NUP37: variants seen among roughly 807,000 people sequenced by gnomAD.
The protein encoded by NUP37 is nucleoporin Nup37.
A neutral mutation model predicts 45.4 loss-of-function variants in NUP37; 33 were observed. That is an observed-to-expected ratio of 0.73 (90% CI 0.55 to 0.97). NUP37 has a LOEUF of 0.97. Among genes scored for constraint, NUP37 ranks in the 50% least tolerant of loss-of-function variants. The pLI, the probability that NUP37 is intolerant of heterozygous loss-of-function variation, is 0.00. For missense variants in NUP37, 365 were observed against 389.7 expected (o/e 0.94, Z 0.53); for synonymous variants, 127 against 130.7 (o/e 0.97, Z 0.19).
intron 4 of NUP37, among the ~76,000 whole-genome samples, 178 bp from the exon 5 acceptor site, chr12:102,099,378 T>C (rs1304586150): frequency 6.6e-6 from 1 of 152,156 alleles, no homozygotes; most frequent in African/African-American, 2.4e-5. Flanking sequence ...TTCTAGAAGG[T>C]TTATCTTGGG....
chr12:102,119,805 C>T (rs913410572), intron 1 of NUP37, among the ~76,000 whole-genome samples: 1 of 152,196 alleles, frequency 6.6e-6, no homozygotes, highest in African/African-American at 2.4e-5. Flanking sequence ...GCCGGGGCCT[C>T]ACCGTACACG....
intron 6 of NUP37, among the ~76,000 whole-genome samples, chr12:102,084,866 A>C (rs1211557440): frequency 6.6e-6 from 1 of 152,214 alleles, no homozygotes; most frequent in African/African-American, 2.4e-5. Context: ...GTGATGACCA[A>C]GAGAAGATAC....
intron 5 of NUP37, among the ~76,000 whole-genome samples, chr12:102,092,523 T>C (rs1006591743): frequency 3.3e-5 from 5 of 152,178 alleles, no homozygotes; most frequent in African/African-American, 1.2e-4. Context: ...TAGTTCCAAT[T>C]AATCAATTAC....
At chr12:102,079,679 C>G (rs751268453) in intron 6 of NUP37, among the ~76,000 whole-genome samples, 1 of 152,180 alleles carries the variant, frequency 6.6e-6, no homozygotes, top group African/African-American at 2.4e-5. Context: ...CCTTCTTGCA[C>G]TTAGAACACT....
chr12:102,091,008 A>G (rs1293120363), intron 5 of NUP37, among the ~76,000 whole-genome samples: 6 of 152,250 alleles, frequency 3.9e-5, no homozygotes, highest in Admixed American at 3.9e-4. Context: ...TCAGGTTTTA[A>G]TATTTCCAAA....
intron 3 of NUP37, among the ~76,000 whole-genome samples, chr12:102,105,490 A>G (rs1880114337): frequency 6.6e-6 from 1 of 152,076 alleles, no homozygotes; most frequent in African/African-American, 2.4e-5. Context: ...ATATCATGCC[A>G]TTGCACTCCA....
intron 6 of NUP37, among the ~76,000 whole-genome samples, chr12:102,080,640 G>C (rs1174911716): frequency 6.6e-6 from 1 of 152,136 alleles, no homozygotes; most frequent in African/African-American, 2.4e-5. Flanking sequence ...AGATGAGATT[G>C]AGGCTCAAAG....
intron 6 of NUP37, among the ~76,000 whole-genome samples, chr12:102,082,141 T>C (rs1177882028): frequency 6.6e-6 from 1 of 152,154 alleles, no homozygotes; most frequent in Non-Finnish European, 1.5e-5. Context: ...TGAGTCTTAT[T>C]GGATTTGGGA....
chr12:102,103,509 T>C (rs1280219353), intron 3 of NUP37, among the ~76,000 whole-genome samples: 2 of 152,202 alleles, frequency 1.3e-5, no homozygotes, highest in Non-Finnish European at 2.9e-5. Context: ...CTTTTCTATA[T>C]ATAAGATCAT....
In NUP37 at chr12:102,101,089, A is replaced by G; in HGVS notation, c.297T>C (p.Ala99=). 6.4e-7 allele frequency: 1 copy of G among 1,566,152 alleles called. No homozygotes were observed. Among genetic ancestry groups the G allele is most frequent in the Non-Finnish European group, 8.7e-7 (1 of 1,154,022 alleles). Residue 99 remains alanine (A), a synonymous_variant, in exon 4 of 10, where the codon GCT becomes GCC. Coordinates refer to ENST00000552283, the MANE Select transcript of NUP37 (RefSeq NM_024057.4). The stretch of plus-strand genomic sequence containing the variant: ...TAAATAATCTAATTTTCATATCAGC[A>G]GCTGAAGTACAAAATCTGGAAGCAA... ...LPPVIKFCTS[A]ADMKIRLFTS... is the part of the protein sequence containing the mutation.
At chr12:102,117,658 A>C (rs149319972) in intron 2 of NUP37, among the ~76,000 whole-genome samples, 3 of 152,294 alleles carry the variant, frequency 2.0e-5, no homozygotes, top group Non-Finnish European at 4.4e-5. Context: ...TAAAACATAC[A>C]TATGGATTAC....
At chr12:102,100,830 T>C (rs893703138) in intron 4 of NUP37, among the ~76,000 whole-genome samples, 7 of 152,216 alleles carry the variant, frequency 4.6e-5, no homozygotes, top group African/African-American at 1.7e-4. Context: ...AGATTTATAA[T>C]CTGCAGTCAT....
intron 2 of NUP37, among the ~76,000 whole-genome samples, chr12:102,114,872 C>A (rs1221896651): frequency 6.6e-6 from 1 of 152,188 alleles, no homozygotes; most frequent in Middle Eastern, 3.2e-3. Flanking sequence ...GAGTTCTTAA[C>A]GTTAAGCCAA....
At chr12:102,096,036 T>C (rs1198641807) in intron 5 of NUP37, among the ~76,000 whole-genome samples, 2 of 152,174 alleles carry the variant, frequency 1.3e-5, no homozygotes, top group African/African-American at 4.8e-5. Flanking sequence ...TCATATGTAG[T>C]TGTTATCTGA....
At chr12:102,086,225 A>C (rs1675008168) in intron 5 of NUP37, among the ~76,000 whole-genome samples, 1 of 152,164 alleles carries the variant, frequency 6.6e-6, no homozygotes, top group African/African-American at 2.4e-5. Flanking sequence ...TAGTCATTTC[A>C]ACTGACGATA....
intron 5 of NUP37, among the ~76,000 whole-genome samples, chr12:102,095,424 T>C (rs1455114257): frequency 6.6e-6 from 1 of 152,106 alleles, no homozygotes; most frequent in Non-Finnish European, 1.5e-5. Flanking sequence ...CCTGTGTATA[T>C]ATGTGTGCAT....
At chr12:102,100,694 C>T (rs180675613) in intron 4 of NUP37, among the ~76,000 whole-genome samples, 3 of 152,244 alleles carry the variant, frequency 2.0e-5, no homozygotes, top group Admixed American at 6.5e-5. Flanking sequence ...ATCATTTGTT[C>T]CCATGAAGTT....
At chr12:102,090,181 G>A (rs921758747) in intron 5 of NUP37, among the ~76,000 whole-genome samples, 1 of 151,824 alleles carries the variant, frequency 6.6e-6, no homozygotes, top group Non-Finnish European at 1.5e-5. Flanking sequence ...TTATATGAAT[G>A]GTAATAGGTA....
rs1565826895 is a variant in NUP37, at chr12:102,075,039, C to A, written c.829G>T (p.Ala277Ser). 1.2e-6 allele frequency: 2 copies of A among 1,610,594 alleles called. No individual in the cohort carries two copies. Among genetic ancestry groups the A allele is most frequent in the Middle Eastern group, 3.3e-4 (2 of 6,046 alleles). ...AAATGATGAATTTGAAACTGGCTTGCCATTTTGCCAGGATAACCAGTGGTT... is the reference window on the plus strand; with the variant it reads ...AAATGATGAATTTGAAACTGGCTTGACATTTTGCCAGGATAACCAGTGGTT... ...FATTGYPGKM[A>S]SQFQIHHLGH... Residue 277 changes from alanine to serine, a missense_variant, in exon 9 of 10, where the codon GCA becomes TCA. By Grantham distance (99) the Ala-to-Ser change is moderately conservative. Coordinates refer to ENST00000552283, the MANE Select transcript of NUP37 (RefSeq NM_024057.4).
Sources: allele counts gnomAD v4.1 joint callset (sites outside exome capture counted in the v4.1 genomes callset), GRCh38; gene constraint gnomAD v4.1.1; transcripts MANE v1.5; gene names NCBI Gene and HGNC (gene_info 2026-07-23, HGNC 2026-07-21).